TIAM1: variants seen among roughly 807,000 people sequenced by gnomAD.
TIAM1 encodes TIAM Rac1 associated GEF 1.
Under a neutral mutation model 163.5 loss-of-function variants are expected in TIAM1, and 65 were observed. The observed-to-expected ratio is 0.40, with a 90% CI of 0.33 to 0.49. TIAM1 has a LOEUF of 0.49. Ranked by LOEUF, TIAM1 falls within the 20% of genes least tolerant of loss-of-function variation. TIAM1 has a pLI of 0.77. For missense variants in TIAM1, 1,789 were observed against 2,044.7 expected (o/e 0.87, Z 2.41); for synonymous variants, 833 against 810.1 (o/e 1.03, Z -0.48).
chr21:31,394,541 G>A (rs533466070), intron 2 of TIAM1, among the ~76,000 whole-genome samples: 6 of 152,234 alleles, frequency 3.9e-5, no homozygotes, highest in Admixed American at 1.3e-4. Context: ...TTTTCTGTTT[G>A]TAAGAAATGC....
intron 2 of TIAM1, among the ~76,000 whole-genome samples, chr21:31,409,077 C>G (rs1001715093): frequency 3.9e-5 from 6 of 152,036 alleles, no homozygotes; most frequent in African/African-American, 1.4e-4. Flanking sequence ...GCTCCTCACT[C>G]CCCTAAATGG....
At position 31,385,646 on chromosome 21, in the gene TIAM1, G is replaced by A. The variant is rs372222099; in HGVS notation, c.-368-46224C>T. Among the ~76,000 whole-genome samples the A allele has an allele frequency of 4.5e-4, 68 of 150,920 alleles. 1 individual carries two copies. In the East Asian group the frequency reaches 8.4e-3, roughly 19 times the overall value. On this transcript the variant is annotated intron_variant, in intron 2 of 28. Transcript: ENST00000286827. ...GTCCCAAAACTACAAAATAATAAGG[G>A]GGTAATGTATATTCCTCACCCAGTC...
intron 7 of TIAM1, 114 bp downstream of exon 7, chr21:31,225,612 G>T: frequency 1.3e-6 from 1 of 799,272 alleles, no homozygotes; most frequent in Non-Finnish European, 2.0e-6. Flanking sequence ...TGGATGACAG[G>T]CTGTCGAGGA....
chr21:31,235,771 A>G (rs983591094), intron 6 of TIAM1, among the ~76,000 whole-genome samples: 4 of 152,248 alleles, frequency 2.6e-5, no homozygotes, highest in African/African-American at 7.2e-5. Context: ...TGCATGATAC[A>G]TAACAGTATA....
rs534339459 is a variant in TIAM1, at chr21:31,229,273, G to T, written c.1585-3323C>A. 7.2e-5 allele frequency among the ~76,000 whole-genome samples: 11 copies of T among 152,166 alleles called. No homozygotes were observed. In the East Asian group the frequency reaches 2.1e-3, roughly 29 times the overall value. ...TAGTTACATGGTGCTGGGTGCTGGT[G>T]TATGACAGGGGTGTGTTCAGTTTGT... is the stretch of plus-strand genomic sequence containing the variant. On this transcript the variant is annotated intron_variant, in intron 6 of 27. Coordinates refer to ENST00000541036, the MANE Select transcript of TIAM1 (RefSeq NM_001353694.2).
rs560860010 is a variant in TIAM1, at chr21:31,540,124, G to A, written c.-422+18803C>T. 3.3e-5 allele frequency among the ~76,000 whole-genome samples: 5 copies of A among 152,166 alleles called. No individual in the cohort carries two copies. In the East Asian group the frequency reaches 5.8e-4, roughly 18 times the overall value. The stretch of plus-strand genomic sequence containing the variant: ...GTACAGGCCGGGCGCAGTGGCTCAC[G>A]CCTATAATCCCAGCACTTTGGGAGG... On this transcript the variant is annotated intron_variant, in intron 1 of 28. Coordinates refer to the TIAM1 transcript ENST00000286827.
intron 1 of TIAM1, among the ~76,000 whole-genome samples, chr21:31,474,223 G>A (rs922899921): frequency 2.6e-5 from 4 of 152,138 alleles, no homozygotes; most frequent in African/African-American, 9.7e-5. Flanking sequence ...TCCAATACTG[G>A]AGATCACATT....
intron 2 of TIAM1, among the ~76,000 whole-genome samples, chr21:31,453,477 C>T (rs1014414128): frequency 1.3e-5 from 2 of 151,694 alleles, no homozygotes; most frequent in Admixed American, 6.6e-5. Context: ...CAAGGTGACC[C>T]GAGCTCGGGA....
chr21:31,477,177 T>A (rs1295209749), intron 1 of TIAM1, among the ~76,000 whole-genome samples: 1 of 152,212 alleles, frequency 6.6e-6, no homozygotes, highest in East Asian at 1.9e-4. Context: ...TGGGTCAACC[T>A]AATCAGAGGG....
intron 2 of TIAM1, among the ~76,000 whole-genome samples, chr21:31,387,195 C>CTTTCT (rs1358892699): frequency 1.3e-5 from 1 of 75,150 alleles, no homozygotes; most frequent in Non-Finnish European, 2.6e-5. Context: ...AGCTTATTCT[C>CTTTCT]TTTTTTTTTT....
chr21:31,400,902 C>T (rs1162995781), intron 2 of TIAM1, among the ~76,000 whole-genome samples: 2 of 151,946 alleles, frequency 1.3e-5, no homozygotes, highest in African/African-American at 2.4e-5. Flanking sequence ...ACCAGCCTGA[C>T]CAACATGGAG....
intron 5 of TIAM1, among the ~76,000 whole-genome samples, chr21:31,251,035 A>G (rs925144282): frequency 6.6e-6 from 1 of 152,248 alleles, no homozygotes; most frequent in African/African-American, 2.4e-5. Context: ...GAATCCTATG[A>G]AATTAACATT....
intron 1 of TIAM1, among the ~76,000 whole-genome samples, chr21:31,534,378 A>C (rs2048060970): frequency 6.6e-6 from 1 of 152,226 alleles, no homozygotes; most frequent in Non-Finnish European, 1.5e-5. Context: ...GACAAACCAA[A>C]GAAGCACTTA....
intron 2 of TIAM1, among the ~76,000 whole-genome samples, chr21:31,445,003 A>G (rs1446643493): frequency 3.4e-3 from 4 of 1,160 alleles, no homozygotes; most frequent in African/African-American, 0.017. Context: ...CATCTAAAAA[A>G]AAAAGGAAAA....
At chr21:31,189,222 T>C (rs2085444375) in intron 13 of TIAM1, among the ~76,000 whole-genome samples, 1 of 151,872 alleles carries the variant, frequency 6.6e-6, no homozygotes, top group Admixed American at 6.6e-5. Context: ...ACTCAGCTAA[T>C]TTTTCTAATT....
At chr21:31,555,084 AC>A (rs1289368460) in intron 1 of TIAM1, among the ~76,000 whole-genome samples, 3 of 152,066 alleles carry the variant, frequency 2.0e-5, no homozygotes, top group African/African-American at 7.2e-5. Context: ...ATTTTAAAAA[AC>A]ACTCTGTTCC....
At chr21:31,365,092 A>G (rs1013855432) in intron 2 of TIAM1, among the ~76,000 whole-genome samples, 3 of 152,166 alleles carry the variant, frequency 2.0e-5, no homozygotes, top group African/African-American at 7.2e-5. Context: ...AGACATTTTT[A>G]GTTCAAGGAT....
At chr21:31,274,118 G>A (rs2073185163) in intron 3 of TIAM1, among the ~76,000 whole-genome samples, 2 of 152,078 alleles carry the variant, frequency 1.3e-5, no homozygotes, top group Admixed American at 1.3e-4. Context: ...GGGAGGCTGG[G>A]GCAGGAGAAT....
At chr21:31,444,737 G>A (rs1194427083) in intron 2 of TIAM1, among the ~76,000 whole-genome samples, 2 of 152,172 alleles carry the variant, frequency 1.3e-5, no homozygotes, top group African/African-American at 2.4e-5. Flanking sequence ...GGTGGCTCAC[G>A]CCTGTAATGC....
Sources: allele counts gnomAD v4.1 joint callset (sites outside exome capture counted in the v4.1 genomes callset), GRCh38; gene constraint gnomAD v4.1.1; transcripts MANE v1.5; gene names NCBI Gene and HGNC (gene_info 2026-07-23, HGNC 2026-07-21).